Variants in FBXO38 observed in about 807,000 individuals in gnomAD.
The protein encoded by FBXO38 is F-box protein 38, also known as F-box only protein 38.
A neutral mutation model predicts 131.9 loss-of-function variants in FBXO38; 53 were observed. That is an observed-to-expected ratio of 0.40 (90% confidence interval 0.32 to 0.51). The LOEUF is 0.51. FBXO38 is among the 20% of genes least tolerant of loss of function. The pLI is 0.53. For missense variants in FBXO38, 1,076 were observed against 1,475.6 expected (o/e 0.73, Z 4.44); for synonymous variants, 452 against 505.6 (o/e 0.89, Z 1.42).
intron 1 of FBXO38, among the ~76,000 whole-genome samples, chr5:148,391,051 G>C (rs916217360): frequency 2.6e-5 from 4 of 152,232 alleles, no homozygotes; most frequent in Admixed American, 2.6e-4. Flanking sequence ...GGGTGGATTA[G>C]TCTTTGCTGG....
chr5:148,427,505 C>T lies in FBXO38; in HGVS notation c.2211C>T (p.Ser737=), dbSNP rs145527741. The T allele has an allele frequency of 1.8e-5, 29 of 1,614,030 alleles. No individual in the cohort carries two copies. The highest frequency in any genetic ancestry group is 3.3e-4 in the Middle Eastern group (2 of 6,084). Residue 737 remains serine (S), a synonymous_variant, in exon 15 of 22, where the codon TCC becomes TCT. Transcript: ENST00000340253. ...GGACGGTGAACAGCGGCGGCTCTTC[C>T]GAGCCTAGCCCTACAGAAGTGGATG... ...FVRTVNSGGS[S]EPSPTEVDVS... is the part of the protein sequence containing the mutation.
At position 148,425,625 on chromosome 5, in the gene FBXO38, T is replaced by C; in HGVS notation, c.1842T>C (p.Ile614=). ...EDSLELQEVW[I]PKNGTRRYSE... Reference sequence around the variant, plus strand: ...GTCTAGAACTCCAAGAAGTCTGGATTCCTAAGAACGGTACTCGGCGTTACT... The same window carrying C: ...GTCTAGAACTCCAAGAAGTCTGGATCCCTAAGAACGGTACTCGGCGTTACT... Residue 614 remains isoleucine (I), a synonymous_variant, in exon 14 of 22, where the codon ATT becomes ATC. Coordinates refer to ENST00000340253, the MANE Select transcript of FBXO38 (RefSeq NM_205836.3). The C allele has an allele frequency of 6.2e-7, 1 of 1,613,968 alleles. No individual in the cohort carries two copies. The highest frequency in any genetic ancestry group is 8.5e-7 in the Non-Finnish European group (1 of 1,179,904).
intron 12 of FBXO38, among the ~76,000 whole-genome samples, chr5:148,423,560 A>C (rs928442422): frequency 6.6e-6 from 1 of 152,210 alleles, no homozygotes; most frequent in Admixed American, 6.5e-5. Context: ...CAAAATATAG[A>C]TATTGCAGGC....
chr5:148,398,978 G>A (rs372293727), intron 2 of FBXO38, 21 bp from the exon 3 acceptor site: 2 of 1,612,240 alleles, frequency 1.2e-6, no homozygotes, highest in Non-Finnish European at 1.7e-6. Context: ...TGATAAATAC[G>A]AGTTTCTTTC....
rs765333769 is a variant in FBXO38 at position 148,416,088 on chromosome 5, G to A, written c.1407+18G>A. 2 of 1,509,280 alleles carry A rather than the reference G, an allele frequency of 1.3e-6. No individual in the cohort carries two copies. The highest frequency in any genetic ancestry group is 1.8e-6 in the Non-Finnish European group (2 of 1,128,384). The allele number at this position is 1,509,280 out of a possible 1,614,324, so 93.5% of individuals were successfully genotyped here. ...CACCCAAGGTAAGATACATTTGAGG[G>A]AGTTTTTGTTTATTTTGATAGGAAA... is the stretch of plus-strand genomic sequence containing the variant. On this transcript the variant is annotated intron_variant, in intron 11 of 21. Coordinates refer to ENST00000340253, the MANE Select transcript of FBXO38 (RefSeq NM_205836.3).
chr5:148,387,379 C>G (rs746603331), intron 1 of FBXO38, among the ~76,000 whole-genome samples: 61 of 152,182 alleles, frequency 4.0e-4, no homozygotes, highest in Non-Finnish European at 6.0e-4. Flanking sequence ...TCAGGCTCTA[C>G]ATCCGATTGT....
intron 14 of FBXO38, among the ~76,000 whole-genome samples, chr5:148,426,988 T>A (rs561577692): frequency 6.6e-6 from 1 of 152,188 alleles, no homozygotes; most frequent in African/African-American, 2.4e-5. Flanking sequence ...TGGAATCAGA[T>A]CATAGTGAGG....
chr5:148,426,174 A>C (rs1410443024), intron 14 of FBXO38, among the ~76,000 whole-genome samples: 1 of 152,198 alleles, frequency 6.6e-6, no homozygotes, highest in Non-Finnish European at 1.5e-5. Flanking sequence ...AACCCTCTGC[A>C]GTGCCTCACC....
At chr5:148,410,864 G>A in intron 9 of FBXO38, 99 bp downstream of exon 9, 1 of 1,147,300 alleles carries the variant, frequency 8.7e-7, no homozygotes, top group Non-Finnish European at 1.2e-6. Flanking sequence ...TTGAACATAA[G>A]ACAACTTAAA....
At chr5:148,404,908 AT>A (rs1387062816) in intron 6 of FBXO38, 86 bp downstream of exon 6, 19 of 1,194,180 alleles carry the variant, frequency 1.6e-5, no homozygotes, top group Non-Finnish European at 9.2e-6. Context: ...TGTAAATACA[AT>A]TATATTATGC....
intron 3 of FBXO38, among the ~76,000 whole-genome samples, 154 bp from the exon 4 acceptor site, chr5:148,401,828 T>C (rs1752168312): frequency 6.6e-6 from 1 of 152,140 alleles, no homozygotes; most frequent in Non-Finnish European, 1.5e-5. Context: ...ACTAAAGGAG[T>C]ATATTTTCTG....
chr5:148,439,877 T>C, intron 19 of FBXO38, 85 bp downstream of exon 19: 2 of 1,326,566 alleles, frequency 1.5e-6, no homozygotes, highest in East Asian at 2.3e-5. Flanking sequence ...TTTTTCTTTA[T>C]TTTAAATGAT....
At chr5:148,393,566 A>C (rs1758325577) in intron 1 of FBXO38, among the ~76,000 whole-genome samples, 1 of 152,102 alleles carries the variant, frequency 6.6e-6, no homozygotes, top group Non-Finnish European at 1.5e-5. Context: ...ATGAGGCTTC[A>C]CAACTGTGTT....
intron 1 of FBXO38, among the ~76,000 whole-genome samples, chr5:148,394,167 A>G (rs1004944967): frequency 9.9e-5 from 15 of 152,144 alleles, no homozygotes; most frequent in Admixed American, 2.0e-4. Flanking sequence ...CAGATTCACA[A>G]AGGGGTCCAT....
intron 1 of FBXO38, 67 bp from the exon 2 acceptor site, chr5:148,394,647 A>G (rs1367415355): frequency 1.5e-6 from 1 of 652,834 alleles, no homozygotes; most frequent in African/African-American, 1.9e-5. Flanking sequence ...GAAAATAAAC[A>G]TTGTTTAACC....
Position 148,404,714 on chromosome 5 carries a change from C to A in FBXO38, c.622C>A (p.Pro208Thr). 1.3e-6 allele frequency: 2 copies of A among 1,588,102 alleles called. No individual in the cohort carries two copies. Among genetic ancestry groups the A allele is most frequent in the Admixed American group, 1.8e-5 (1 of 55,452 alleles). ...GAATGTTCCTGAAATTCCTTGTATC[C>A]CAATGCTAAGGCACCTTTATATGAA... The part of the protein sequence containing the change: ...GVNVPEIPCI[P>T]MLRHLYMKWV... Residue 208 changes from proline (P) to threonine (T), a missense_variant, in exon 6 of 22, where the codon CCA becomes ACA. Pro to Thr is a conservative substitution (Grantham distance 38). Around this residue, in one of 8 missense-constraint regions of FBXO38, gnomAD observed 66 missense variants for 72.4 expected, o/e 0.91. Coordinates refer to ENST00000340253, the MANE Select transcript of FBXO38 (RefSeq NM_205836.3).
intron 12 of FBXO38, among the ~76,000 whole-genome samples, chr5:148,420,122 G>A (rs1363764704): frequency 6.7e-6 from 1 of 148,294 alleles, no homozygotes; most frequent in Admixed American, 6.8e-5. Flanking sequence ...CAGTTTTTTT[G>A]TGGGGTTTTT....
In FBXO38 at chr5:148,394,750, C is replaced by A; in HGVS notation, c.-27C>A. On this transcript the variant is annotated 5_prime_UTR_variant, in exon 2 of 22. Coordinates refer to ENST00000340253, the MANE Select transcript of FBXO38 (RefSeq NM_205836.3). Reference sequence around the variant, plus strand: ...TCAAGTAAACAAAAGGGAAGATTTTCTCGTTGATACTGGAGACTGCACAAC... The same window carrying A: ...TCAAGTAAACAAAAGGGAAGATTTTATCGTTGATACTGGAGACTGCACAAC... The A allele has an allele frequency of 6.8e-7, 1 of 1,478,090 alleles. No individual in the cohort carries two copies. The highest frequency in any genetic ancestry group is 9.0e-7 in the Non-Finnish European group (1 of 1,112,164). 91.6% of individuals were successfully genotyped at this position (1,478,090 alleles called of 1,614,324 possible).
Position 148,402,341 on chromosome 5 carries a change from T to C in FBXO38, c.427-7T>C. ...TTTCTTATGCTTGCTTTGGCATTAT[T>C]TTCTAGGGTGTGGAAACTTCTCATT... On this transcript the variant is annotated splice_polypyrimidine_tract_variant and splice_region_variant and intron_variant, in intron 4 of 21. Transcript: ENST00000340253. The C allele has an allele frequency of 6.3e-7, 1 of 1,593,512 alleles. No homozygotes were observed. Among genetic ancestry groups the C allele is most frequent in the East Asian group, 2.2e-5 (1 of 44,530 alleles).
Sources: allele counts gnomAD v4.1 joint callset (sites outside exome capture counted in the v4.1 genomes callset), GRCh38; gene constraint gnomAD v4.1.1; regional missense constraint gnomAD v4.1.1; transcripts MANE v1.5; gene names NCBI Gene and HGNC (gene_info 2026-07-23, HGNC 2026-07-21).